The following CSMD1 variants were observed in gnomAD, a reference collection of about 807,000 sequenced individuals.
The protein encoded by CSMD1 is CUB and sushi domain-containing protein 1.
A neutral mutation model predicts 417.5 loss-of-function variants in CSMD1; 213 were observed. The ratio of observed to expected loss-of-function variants is 0.51; its 90% CI spans 0.46 to 0.57. The LOEUF (loss-of-function observed/expected upper bound fraction) is 0.57. CSMD1 is among the 20% of genes least tolerant of loss of function. CSMD1 has a pLI of 0.00. For missense variants in CSMD1, 6,923 were observed against 4,529.7 expected (o/e 1.53, Z -15.17); for synonymous variants, 2,862 against 1,736.8 (o/e 1.65, Z -16.11).
At chr8:4,035,629 A>G (rs900878608) in intron 3 of CSMD1, among the ~76,000 whole-genome samples, 2 of 152,248 alleles carry the variant, frequency 1.3e-5, no homozygotes, top group Admixed American at 6.5e-5. Flanking sequence ...GAACATATAA[A>G]GAAATTTTAA....
intron 4 of CSMD1, among the ~76,000 whole-genome samples, chr8:4,018,835 G>A (rs1042825674): frequency 6.6e-6 from 1 of 152,226 alleles, no homozygotes; most frequent in Non-Finnish European, 1.5e-5. Flanking sequence ...CCTTGGTGAA[G>A]TCACTGAATT....
At chr8:3,293,130 C>T (rs1047021573) in intron 25 of CSMD1, among the ~76,000 whole-genome samples, 9 of 131,550 alleles carry the variant, frequency 6.8e-5, no homozygotes, top group South Asian at 2.9e-4. Context: ...AAAATTCTTT[C>T]TTTTAAGAAT....
intron 9 of CSMD1, among the ~76,000 whole-genome samples, chr8:3,577,493 A>G (rs1256217403): frequency 3.3e-5 from 5 of 152,194 alleles, no homozygotes; most frequent in Non-Finnish European, 7.3e-5. Flanking sequence ...TTATTAAGCC[A>G]TCAAAATGGT....
At chr8:4,562,406 A>G (rs1262327667) in intron 2 of CSMD1, among the ~76,000 whole-genome samples, 1 of 152,182 alleles carries the variant, frequency 6.6e-6, no homozygotes, top group East Asian at 1.9e-4. Context: ...AAATTAGTAA[A>G]TTATTTTAAT....
chr8:4,408,216 C>T (rs1028179414), intron 3 of CSMD1, among the ~76,000 whole-genome samples: 3 of 152,188 alleles, frequency 2.0e-5, no homozygotes, highest in African/African-American at 7.2e-5. Context: ...GGCCCCAGGC[C>T]ATTCCTCCTT....
rs116993810 is a variant in CSMD1 at position 4,393,996 on chromosome 8, C to A, written c.415+25957G>T. On this transcript the variant is annotated intron_variant, in intron 3 of 69. Coordinates refer to ENST00000635120, the MANE Select transcript of CSMD1 (RefSeq NM_033225.6). ...TTTGCCAATTTGCTACGTAATAGAG[C>A]AACACATATATAGCATGGCTGCCTT... 1.2e-3 allele frequency among the ~76,000 whole-genome samples: 189 copies of A among 152,280 alleles called. 2 individuals carry two copies. In the East Asian group the frequency reaches 0.025, roughly 20 times the overall value.
chr8:3,429,315 A>C lies in CSMD1; in HGVS notation c.1562-19710T>G, dbSNP rs536592495. Among the ~76,000 whole-genome samples the C allele has an allele frequency of 2.0e-5, 3 of 152,358 alleles. No individual in the cohort carries two copies. In the South Asian group the frequency reaches 6.2e-4, roughly 32 times the overall value. On this transcript the variant is annotated intron_variant, in intron 12 of 69. Transcript: ENST00000635120. ...AAACAGAAATGATAATAAAATGCTGAAGGAAATATAAAATGCAAAAATTAT... is the reference window on the plus strand; with the variant it reads ...AAACAGAAATGATAATAAAATGCTGCAGGAAATATAAAATGCAAAAATTAT...
At chr8:3,401,359 A>C (rs886555178) in intron 15 of CSMD1, among the ~76,000 whole-genome samples, 1 of 152,154 alleles carries the variant, frequency 6.6e-6, no homozygotes, top group Non-Finnish European at 1.5e-5. Flanking sequence ...GAATATGTCT[A>C]ACTTGCCAAA....
chr8:4,402,816 T>TTC (rs1563136667), intron 3 of CSMD1, among the ~76,000 whole-genome samples: 3 of 70,646 alleles, frequency 4.2e-5, no homozygotes, highest in East Asian at 6.8e-4. Flanking sequence ...TTTTTTTTTT[T>TTC]TTTTCTTTTT....
At chr8:4,587,110 A>T (rs1490071907) in intron 2 of CSMD1, among the ~76,000 whole-genome samples, 1 of 152,164 alleles carries the variant, frequency 6.6e-6, no homozygotes. Flanking sequence ...TACAGAGGCC[A>T]ATAGATTAGG....
intron 1 of CSMD1, among the ~76,000 whole-genome samples, chr8:4,894,806 C>A (rs1012399212): frequency 2.6e-5 from 4 of 151,850 alleles, no homozygotes; most frequent in Admixed American, 2.6e-4. Context: ...TCCTCATGAA[C>A]GGACAACTTG....
intron 3 of CSMD1, among the ~76,000 whole-genome samples, chr8:4,334,936 T>G (rs1585254992): frequency 6.6e-6 from 1 of 152,246 alleles, no homozygotes; most frequent in Admixed American, 6.5e-5. Context: ...AGATGCTGTA[T>G]TTTTGCTACA....
chr8:3,575,275 T>C (rs7819927), intron 9 of CSMD1, among the ~76,000 whole-genome samples: 6,856 of 152,068 alleles, frequency 0.045, 516 homozygotes, highest in African/African-American at 0.15. Context: ...TCTGCAGTGT[T>C]ACGCTGGGAC....
chr8:3,429,332 A>T (rs567587258), intron 12 of CSMD1, among the ~76,000 whole-genome samples: 2 of 152,366 alleles, frequency 1.3e-5, no homozygotes, highest in African/African-American at 4.8e-5. Flanking sequence ...TATAAAATGC[A>T]AAAATTATTT....
At position 4,866,476 on chromosome 8, in the gene CSMD1, G is replaced by A. The variant is rs982914880; in HGVS notation, c.85+127856C>T. ...TCTTTTGTTTTTTTCTTTAAAAAGT[G>A]CATTTTAGCATCTACTTTATGCTAG... On this transcript the variant is annotated intron_variant, in intron 1 of 69. Transcript: ENST00000635120. 8.6e-5 allele frequency among the ~76,000 whole-genome samples: 13 copies of A among 151,902 alleles called. No homozygotes were observed. In the South Asian group the frequency reaches 2.7e-3, roughly 32 times the overall value.
intron 2 of CSMD1, among the ~76,000 whole-genome samples, chr8:4,488,971 G>T (rs1485679463): frequency 2.6e-5 from 4 of 152,140 alleles, no homozygotes; most frequent in Admixed American, 2.0e-4. Flanking sequence ...AAGTGCAGTG[G>T]CGCGATCTTG....
At chr8:3,612,371 A>C (rs1801937719) in intron 8 of CSMD1, among the ~76,000 whole-genome samples, 1 of 151,820 alleles carries the variant, frequency 6.6e-6, no homozygotes, top group South Asian at 2.1e-4. Flanking sequence ...GATTTAGATA[A>C]ATCTCTCTCA....
intron 49 of CSMD1, among the ~76,000 whole-genome samples, chr8:3,058,468 C>T (rs961170332): frequency 6.6e-6 from 1 of 152,134 alleles, no homozygotes; most frequent in African/African-American, 2.4e-5. Context: ...GTTAATTTTT[C>T]AATAAACATG....
intron 1 of CSMD1, among the ~76,000 whole-genome samples, chr8:4,646,048 A>G (rs1321095825): frequency 2.0e-5 from 3 of 152,040 alleles, no homozygotes; most frequent in Non-Finnish European, 4.4e-5. Context: ...GAAATAAACG[A>G]TTTTTTTGCC....
Sources: allele counts gnomAD v4.1 joint callset (sites outside exome capture counted in the v4.1 genomes callset), GRCh38; gene constraint gnomAD v4.1.1; transcripts MANE v1.5; gene names NCBI Gene and HGNC (gene_info 2026-07-23, HGNC 2026-07-21).